Variants in PAFAH1B2 observed in about 807,000 individuals in gnomAD.
PAFAH1B2 encodes the protein platelet-activating factor acetylhydrolase IB subunit alpha2.
A neutral mutation model predicts 28.0 loss-of-function variants in PAFAH1B2; 8 were observed. The observed-to-expected ratio is 0.29, with a 90% CI of 0.17 to 0.52. The LOEUF is 0.52. Among genes scored for constraint, PAFAH1B2 ranks in the 20% least tolerant of loss-of-function variants. PAFAH1B2 has a pLI of 0.97. For synonymous variants in PAFAH1B2, 104 were observed against 103.2 expected (o/e 1.01, Z -0.05); for missense variants, 190 against 282.6 (o/e 0.67, Z 2.35).
intron 2 of PAFAH1B2, among the ~76,000 whole-genome samples, chr11:117,154,683 A>G (rs1956223422): frequency 6.6e-6 from 1 of 152,126 alleles, no homozygotes. Flanking sequence ...GCCTCAAGTG[A>G]TCCTCCTGCC....
intron 4 of PAFAH1B2, 127 bp from the exon 5 acceptor site, chr11:117,163,643 A>T: frequency 1.1e-6 from 1 of 929,522 alleles, no homozygotes; most frequent in Non-Finnish European, 1.6e-6. Flanking sequence ...ACTGCACTCC[A>T]GTCTGGGTGA....
chr11:117,157,032 C>CA (rs201278098), intron 2 of PAFAH1B2, among the ~76,000 whole-genome samples: 4,180 of 67,640 alleles, frequency 0.062, 115 homozygotes, highest in South Asian at 0.13. Context: ...CTCAAAATCT[C>CA]AAAAAAGAAA....
At chr11:117,172,350 A>T (rs938859541), downstream of PAFAH1B2, among the ~76,000 whole-genome samples, 11 of 2,130 alleles carry the variant, frequency 5.2e-3, no homozygotes, top group African/African-American at 8.9e-3. Flanking sequence ...TTCTAGCTTT[A>T]TATATATATA....
intron 1 of PAFAH1B2, among the ~76,000 whole-genome samples, chr11:117,151,196 A>G (rs1208670827): frequency 4.6e-5 from 7 of 150,652 alleles, no homozygotes; most frequent in Non-Finnish European, 8.8e-5. Context: ...GCTAGATGAC[A>G]TATTTGGACT....
At chr11:117,147,537 A>G (rs1485126531) in intron 1 of PAFAH1B2, among the ~76,000 whole-genome samples, 2 of 152,160 alleles carry the variant, frequency 1.3e-5, no homozygotes, top group Non-Finnish European at 2.9e-5. Flanking sequence ...TTAATCCTCT[A>G]TATGCATAGT....
At chr11:117,149,430 G>GATTTTTTTTTTT (rs1956092325) in intron 1 of PAFAH1B2, among the ~76,000 whole-genome samples, 2 of 86,050 alleles carry the variant, frequency 2.3e-5, no homozygotes, top group African/African-American at 4.6e-5. Context: ...TTTTCTAATC[G>GATTTTTTTTTTT]TTTTTTTTTT....
Position 117,170,646 on chromosome 11 carries a change from A to G in PAFAH1B2, c.*2947A>G. The G allele has an allele frequency of 9.6e-7, 1 of 1,045,932 alleles. No individual in the cohort carries two copies. Among genetic ancestry groups the G allele is most frequent in the Non-Finnish European group, 1.2e-6 (1 of 866,152 alleles). 64.8% of individuals were successfully genotyped at this position (1,045,932 alleles called of 1,614,324 possible). On this transcript the variant is annotated 3_prime_UTR_variant, in exon 6 of 6. Coordinates refer to ENST00000527958, the MANE Select transcript of PAFAH1B2 (RefSeq NM_002572.4). Reference sequence around the variant, plus strand: ...CTGTTTAAAAAAAAAAAAAAAAAAAAAGTCCAACTTACTTTATTTTATTTT... The same window carrying G: ...CTGTTTAAAAAAAAAAAAAAAAAAAGAGTCCAACTTACTTTATTTTATTTT...
At chr11:117,150,470 T>TC (rs538763373) in intron 1 of PAFAH1B2, among the ~76,000 whole-genome samples, 12 of 152,220 alleles carry the variant, frequency 7.9e-5, no homozygotes, top group African/African-American at 2.6e-4. Flanking sequence ...TTTTTTTTTT[T>TC]TGAAATCATG....
chr11:117,151,639 A>G (rs1192169628), intron 1 of PAFAH1B2, among the ~76,000 whole-genome samples: 9 of 152,190 alleles, frequency 5.9e-5, no homozygotes, highest in Admixed American at 5.9e-4. Context: ...AATCTGTACT[A>G]CAGTTATTTG....
intron 4 of PAFAH1B2, among the ~76,000 whole-genome samples, chr11:117,163,436 C>G (rs1246659989): frequency 1.3e-5 from 2 of 151,938 alleles, no homozygotes; most frequent in Non-Finnish European, 2.9e-5. Context: ...CTTTGGGATG[C>G]CAAGGTGGGT....
chr11:117,167,259 G>T (rs1232004767), intron 5 of PAFAH1B2, among the ~76,000 whole-genome samples, 162 bp from the exon 6 acceptor site: 1 of 152,076 alleles, frequency 6.6e-6, no homozygotes, highest in Admixed American at 6.5e-5. Flanking sequence ...AAACTAAGAA[G>T]AAATGGTTAG....
At chr11:117,177,498 C>T (rs1396392252), downstream of PAFAH1B2, among the ~76,000 whole-genome samples, 8 of 152,172 alleles carry the variant, frequency 5.3e-5, no homozygotes, top group African/African-American at 1.7e-4. Flanking sequence ...TTTTTCTATG[C>T]ATGTCTATAT....
chr11:117,151,495 C>G (rs1449192536), intron 1 of PAFAH1B2, among the ~76,000 whole-genome samples: 2 of 152,036 alleles, frequency 1.3e-5, no homozygotes, highest in African/African-American at 4.8e-5. Flanking sequence ...TCCCAAAGTG[C>G]TGGGATTACA....
chr11:117,158,634 T>A (rs1039599655), intron 2 of PAFAH1B2, among the ~76,000 whole-genome samples: 1 of 142,406 alleles, frequency 7.0e-6, no homozygotes, highest in South Asian at 2.2e-4. Flanking sequence ...GATAATAGTT[T>A]GTGGGCTTTT....
At chr11:117,152,100 A>G (rs1956164558) in intron 1 of PAFAH1B2, among the ~76,000 whole-genome samples, 1 of 152,230 alleles carries the variant, frequency 6.6e-6, no homozygotes, top group Non-Finnish European at 1.5e-5. Flanking sequence ...TAAGTGTCTA[A>G]TAACTCCTTG....
chr11:117,153,847 T>A (rs1231943836), intron 2 of PAFAH1B2, among the ~76,000 whole-genome samples: 1 of 152,162 alleles, frequency 6.6e-6, no homozygotes, highest in South Asian at 2.1e-4. Context: ...TCATGAGATG[T>A]AATATTGATA....
chr11:117,167,422 G>A lies in PAFAH1B2; in HGVS notation c.413G>A (p.Gly138Asp). The A allele has an allele frequency of 6.3e-7, 1 of 1,579,034 alleles. No homozygotes were observed. Among genetic ancestry groups the A allele is most frequent in the Non-Finnish European group, 8.7e-7 (1 of 1,155,078 alleles). ...RQPQAKIIVL[G>D]LLPRGEKPNP... ...TTAATGTTTTCCACTGTGCCCCAGG[G>A]TTTGTTACCTCGAGGTGAGAAACCC... is the stretch of plus-strand genomic sequence containing the variant. The change falls in exon 6 of 6, where the codon GGT (glycine) becomes GAT (aspartate). Residue 138 changes from glycine to aspartate, a missense_variant and splice_region_variant. Physicochemically the swap from Gly to Asp is moderately conservative, Grantham distance 94. Transcript: ENST00000527958.
chr11:117,170,482 C>T lies in PAFAH1B2; in HGVS notation c.*2783C>T, dbSNP rs1203069988. The T allele has an allele frequency of 2.5e-5, 26 of 1,060,046 alleles. No individual in the cohort carries two copies. The highest frequency in any genetic ancestry group is 8.4e-4 in the Middle Eastern group (2 of 2,392). 65.7% of individuals were successfully genotyped at this position (1,060,046 alleles called of 1,614,324 possible). A position where few individuals can be genotyped will look rare whatever the true frequency, so the allele number is the denominator to read the frequency against. On this transcript the variant is annotated 3_prime_UTR_variant, in exon 6 of 6. Transcript: ENST00000527958. ...TTCCAGTCCATGTGTTCTCGGTCGC[C>T]GTAGACAGCGCTCTGGCTACCACCG...
rs71469127 is a variant in PAFAH1B2 at position 117,168,446 on chromosome 11, GTT to G, written c.*771_*772del. 5.8e-3 allele frequency: 1,357 copies of G among 235,274 alleles called. 2 individuals are homozygous for G. Among genetic ancestry groups the G allele is most frequent in the East Asian group, 0.032 (179 of 5,650 alleles). 14.6% of individuals were successfully genotyped at this position (235,274 alleles called of 1,614,324 possible). ...TCCCCTTCATTCCCCCCGCCACCCC[GTT>G]TTTTTTTTTTTTTTTTTTTTTTTGG... is the stretch of plus-strand genomic sequence containing the variant. On this transcript the variant is annotated 3_prime_UTR_variant, in exon 6 of 6. Transcript: ENST00000527958.
Sources: gnomAD v4.1 joint callset for allele counts (sites outside exome capture counted in the v4.1 genomes callset) on GRCh38, gnomAD v4.1.1 for gene constraint, MANE v1.5 for transcripts, NCBI Gene and HGNC (gene_info 2026-07-23, HGNC 2026-07-21) for gene names.